CD209: variants seen among roughly 807,000 people sequenced by gnomAD.
CD209 encodes CD209 molecule, also known as CD209 antigen.
A neutral mutation model predicts 44.7 loss-of-function variants in CD209; 31 were observed. The ratio of observed to expected loss-of-function variants is 0.69; its 90% CI spans 0.52 to 0.94. The LOEUF is 0.94. CD209 is among the 40% of genes least tolerant of loss of function. CD209 has a pLI of 0.00. For missense variants in CD209, 407 were observed against 452.4 expected (o/e 0.90, Z 0.91); for synonymous variants, 173 against 181.3 (o/e 0.95, Z 0.37).
At chr19:7,744,397 C>G (rs8105483) in intron 5 of CD209, among the ~76,000 whole-genome samples, 178 bp from the exon 6 acceptor site, 23,314 of 152,190 alleles carry the variant, frequency 0.15, 1,956 homozygotes, top group African/African-American at 0.22. Flanking sequence ...GCACATGTGT[C>G]CTGACATGCA....
At position 7,742,845 on chromosome 19, in the gene CD209, T is replaced by G. The variant is rs2033656209; in HGVS notation, c.*194A>C. On this transcript the variant is annotated 3_prime_UTR_variant, in exon 7 of 7. Coordinates refer to ENST00000315599, the MANE Select transcript of CD209 (RefSeq NM_021155.4). ...ACCCCCAAAGGCATCCCACACCAGCTCACTCATAAAGCTCCAAGGATGGGC... is the reference window on the plus strand; with the variant it reads ...ACCCCCAAAGGCATCCCACACCAGCGCACTCATAAAGCTCCAAGGATGGGC... The G allele has an allele frequency of 1.7e-6, 1 of 600,970 alleles. No individual in the cohort carries two copies. Among genetic ancestry groups the G allele is most frequent in the South Asian group, 2.1e-5 (1 of 48,764 alleles). The allele number at this position is 600,970 out of a possible 1,614,324, so 37.2% of individuals were successfully genotyped here.
At chr19:7,746,422 G>A (rs763277592) in intron 3 of CD209, 38 bp downstream of exon 3, 8 of 1,606,656 alleles carry the variant, frequency 5.0e-6, no homozygotes, top group Admixed American at 3.3e-5. Flanking sequence ...CCAAAAGCCA[G>A]GCGTGGGGAC....
At position 7,747,533 on chromosome 19, in the gene CD209, G is replaced by A. The variant is rs959511897; in HGVS notation, c.-22C>T. ...TCATGTCACCCCACTCTCCCCCAGT[G>A]TCCAGAACTCCTGGGGGCCACAGCT... On this transcript the variant is annotated 5_prime_UTR_variant, in exon 1 of 7. Coordinates refer to ENST00000315599, the MANE Select transcript of CD209 (RefSeq NM_021155.4). The A allele has an allele frequency of 1.2e-6, 2 of 1,613,696 alleles. No homozygotes were observed. The highest frequency in any genetic ancestry group is 1.3e-5 in the African/African-American group (1 of 74,896).
At chr19:7,744,338 G>T in intron 5 of CD209, 119 bp from the exon 6 acceptor site, 1 of 726,354 alleles carries the variant, frequency 1.4e-6, no homozygotes, top group South Asian at 1.7e-5. Flanking sequence ...TGGTATACTA[G>T]GTCCTGAGCC....
intron 2 of CD209, 44 bp from the exon 3 acceptor site, chr19:7,746,575 A>G: frequency 6.3e-7 from 1 of 1,596,806 alleles, no homozygotes; most frequent in Non-Finnish European, 8.6e-7. Context: ...TCCCCACCGG[A>G]GCCTGGCCCA....
At position 7,742,141 on chromosome 19, in the gene CD209, A is replaced by G. The variant is rs7248637; in HGVS notation, c.*898T>C. ...GAACTGTTCAGAGTCCCAAATCCCAATAAACCTGTTTTATTCTTACAAAAA... is the reference window on the plus strand; with the variant it reads ...GAACTGTTCAGAGTCCCAAATCCCAGTAAACCTGTTTTATTCTTACAAAAA... On this transcript the variant is annotated 3_prime_UTR_variant, in exon 7 of 7. Coordinates refer to ENST00000315599, the MANE Select transcript of CD209 (RefSeq NM_021155.4). 0.83 allele frequency: 178,033 copies of G among 215,238 alleles called. 74,728 individuals are homozygous for G. The highest frequency in any genetic ancestry group is 0.89 in the Non-Finnish European group (85,882 of 95,992). 13.3% of individuals were successfully genotyped at this position (215,238 alleles called of 1,614,324 possible).
At position 7,744,238 on chromosome 19, in the gene CD209, G is replaced by A. The variant is rs1599476723; in HGVS notation, c.901-19C>T. On this transcript the variant is annotated intron_variant, in intron 5 of 6. Coordinates refer to ENST00000315599, the MANE Select transcript of CD209 (RefSeq NM_021155.4). ...GGAAGTTCTGGAGGGTACAGGAGGA[G>A]TCAGGAGGGAGCTCTGCTTCCCATT... is the stretch of plus-strand genomic sequence containing the variant. 1 of 1,568,198 alleles carries A rather than the reference G, an allele frequency of 6.4e-7. No individual in the cohort carries two copies. Among genetic ancestry groups the A allele is most frequent in the Non-Finnish European group, 8.8e-7 (1 of 1,138,676 alleles).
chr19:7,741,656 G>T lies in CD209; in HGVS notation c.*1383C>A. The T allele has an allele frequency of 1.1e-6, 1 of 878,996 alleles. No individual in the cohort carries two copies. Among genetic ancestry groups the T allele is most frequent in the Non-Finnish European group, 1.8e-6 (1 of 545,674 alleles). The allele number at this position is 878,996 out of a possible 1,614,324, so 54.4% of individuals were successfully genotyped here. On this transcript the variant is annotated 3_prime_UTR_variant, in exon 7 of 7. Transcript: ENST00000315599. ...TTTAACGGACGATGGTATGTACGCAGGACGACAGCTTCAGTGTGAATTCTG... is the reference window on the plus strand; with the variant it reads ...TTTAACGGACGATGGTATGTACGCATGACGACAGCTTCAGTGTGAATTCTG...
At chr19:7,744,920 G>A (rs910713687) in intron 5 of CD209, 21 bp downstream of exon 5, 6 of 1,613,724 alleles carry the variant, frequency 3.7e-6, no homozygotes, top group Non-Finnish European at 4.2e-6. Flanking sequence ...AGGCCAGGAC[G>A]GGGACCCCCA....
Position 7,741,920 on chromosome 19 carries a change from G to A in CD209, c.*1119C>T, listed in dbSNP as rs563655029. ...TTCCTACAAAAGAAATGGGGAATCC[G>A]AAAGGAAAAGGAAGAAATCTCACTA... On this transcript the variant is annotated 3_prime_UTR_variant, in exon 7 of 7. Transcript: ENST00000315599. 2.6e-5 allele frequency: 11 copies of A among 421,578 alleles called. No individual in the cohort carries two copies. In the East Asian group the frequency reaches 5.0e-4, roughly 19 times the overall value. The allele number at this position is 421,578 out of a possible 1,614,324, so 26.1% of individuals were successfully genotyped here.
chr19:7,746,014 A>G lies in CD209; in HGVS notation c.252T>C (p.Leu84=), dbSNP rs1288848265. ...CTGAGAGCTCACCCACTGCAGCTTTAAGCTGGGTCAGGTTCTGGTAGATCG... is the reference window on the plus strand; with the variant it reads ...CTGAGAGCTCACCCACTGCAGCTTTGAGCTGGGTCAGGTTCTGGTAGATCG... ...QDAIYQNLTQ[L]KAAVGELSEK... is the part of the protein sequence containing the mutation. Residue 84 remains leucine (L), a synonymous_variant, in exon 4 of 7, where the codon CTT becomes CTC. Transcript: ENST00000315599. The G allele has an allele frequency of 3.1e-6, 5 of 1,614,000 alleles. No homozygotes were observed. In the East Asian group the frequency reaches 1.1e-4, roughly 36 times the overall value.
In CD209 at chr19:7,741,127, A is replaced by C. The variant is rs2033596712; in HGVS notation, c.*1912T>G. ...AAGCCTGGAGTACAGCGAGGAAGAA[A>C]CCTACCAACAGTTCCTAGATTTCTG... is the stretch of plus-strand genomic sequence containing the variant. On this transcript the variant is annotated 3_prime_UTR_variant, in exon 7 of 7. Transcript: ENST00000315599. The C allele has an allele frequency of 9.4e-7, 1 of 1,068,698 alleles. No homozygotes were observed. Among genetic ancestry groups the C allele is most frequent in the African/African-American group, 1.6e-5 (1 of 63,634 alleles). 66.2% of individuals were successfully genotyped at this position (1,068,698 alleles called of 1,614,324 possible).
chr19:7,745,105 G>T lies in CD209; in HGVS notation c.749-13C>A. The T allele has an allele frequency of 6.2e-7, 1 of 1,614,048 alleles. No individual in the cohort carries two copies. The highest frequency in any genetic ancestry group is 1.1e-5 in the South Asian group (1 of 91,074). ...TGGCACAGGCGTTCTGTTGGGGGAG[G>T]CTGGTCAGGGCTGGGCTTAGATTAG... is the stretch of plus-strand genomic sequence containing the variant. On this transcript the variant is annotated splice_polypyrimidine_tract_variant and intron_variant, in intron 4 of 6. Coordinates refer to ENST00000315599, the MANE Select transcript of CD209 (RefSeq NM_021155.4).
Position 7,740,791 on chromosome 19 carries a change from AAGAG to A in CD209, c.*2244_*2247del, listed in dbSNP as rs1024872676. ...GAACAATGGGAAGAACAGCAGAGGAAAGAGAGAGAGGAGGAGGAACAGAAACGAC... is the reference window on the plus strand; with the variant it reads ...GAACAATGGGAAGAACAGCAGAGGAAAGAGAGGAGGAGGAACAGAAACGAC... On this transcript the variant is annotated 3_prime_UTR_variant, in exon 7 of 7. Coordinates refer to ENST00000315599, the MANE Select transcript of CD209 (RefSeq NM_021155.4). 1.6e-4 allele frequency: 124 copies of A among 762,672 alleles called. No individual in the cohort carries two copies. Among genetic ancestry groups the A allele is most frequent in the Non-Finnish European group, 2.7e-4 (110 of 407,918 alleles). 47.2% of individuals were successfully genotyped at this position (762,672 alleles called of 1,614,324 possible). A position where few individuals can be genotyped will look rare whatever the true frequency, so the allele number is the denominator to read the frequency against.
In CD209 at chr19:7,742,504, C is replaced by T. The variant is rs2033647552; in HGVS notation, c.*535G>A. 1 of 154,182 alleles carries T rather than the reference C, an allele frequency of 6.5e-6. No homozygotes were observed. Among genetic ancestry groups the T allele is most frequent in the South Asian group, 2.0e-4 (1 of 5,012 alleles). The allele number at this position is 154,182 out of a possible 1,614,324, so 9.6% of individuals were successfully genotyped here. On this transcript the variant is annotated 3_prime_UTR_variant, in exon 7 of 7. Transcript: ENST00000315599. ...TAAAATAAAGAATACAACTTAGAAA[C>T]AGCCAAATGGAAGCCATGTATAAGA...
rs552187030 is a variant in CD209 at position 7,744,719 on chromosome 19, G to T, written c.900+222C>A. On this transcript the variant is annotated intron_variant, in intron 5 of 6. Coordinates refer to ENST00000315599, the MANE Select transcript of CD209 (RefSeq NM_021155.4). ...TAACCTCTTGCAGCATGCTGCAGGG[G>T]TTTGCTTACATTTGATGTTTTTTTC... 4.7e-4 allele frequency among the ~76,000 whole-genome samples: 71 copies of T among 152,364 alleles called. 2 individuals carry two copies. In the South Asian group the frequency reaches 0.014, roughly 29 times the overall value.
chr19:7,746,345 G>T, intron 3 of CD209, 115 bp downstream of exon 3: 1 of 1,233,244 alleles, frequency 8.1e-7, no homozygotes, highest in Non-Finnish European at 1.2e-6. Flanking sequence ...CAGACCCCCA[G>T]GGACAACATC....
chr19:7,743,293 G>C, intron 6 of CD209, 53 bp from the exon 7 acceptor site: 1 of 1,488,766 alleles, frequency 6.7e-7, no homozygotes, highest in Non-Finnish European at 9.4e-7. Flanking sequence ...TACATGAGCT[G>C]TGTTTCTACC....
rs755440431 is a variant in CD209 at position 7,744,184 on chromosome 19, G to A, written c.936C>T (p.Arg312=). 4.3e-6 allele frequency: 7 copies of A among 1,614,172 alleles called. No homozygotes were observed. The East Asian group carries it at 1.1e-4, about 26-fold the overall frequency. Residue 312 remains arginine, a synonymous_variant, in exon 6 of 7, where the codon CGC becomes CGT. Coordinates refer to ENST00000315599, the MANE Select transcript of CD209 (RefSeq NM_021155.4). The part of the protein sequence containing the change: ...FLQLQSSRSN[R]FTWMGLSDLN... Reference sequence around the variant, plus strand: ...GATCTGAAAGTCCCATCCAGGTGAAGCGGTTACTTCTGGAAGACTGCAGCT... The same window carrying A: ...GATCTGAAAGTCCCATCCAGGTGAAACGGTTACTTCTGGAAGACTGCAGCT...
Sources: gnomAD v4.1 joint callset for allele counts (sites outside exome capture counted in the v4.1 genomes callset) on GRCh38, gnomAD v4.1.1 for gene constraint, MANE v1.5 for transcripts, NCBI Gene and HGNC (gene_info 2026-07-23, HGNC 2026-07-21) for gene names.